Variants in GPR160 observed in about 807,000 individuals in gnomAD.
GPR160 encodes probable G protein-coupled receptor 160.
A neutral mutation model predicts 2.6 loss-of-function variants in GPR160; 2 were observed. That is an observed-to-expected ratio of 0.77 (90% CI 0.32 to 2.44). GPR160 has a LOEUF of 2.44. GPR160 is among the 30% of genes most tolerant of loss of function. GPR160 has a pLI of 0.11. For missense variants in GPR160, 351 were observed against 383.6 expected (o/e 0.91, Z 0.71); for synonymous variants, 130 against 132.2 (o/e 0.98, Z 0.12).
At chr3:170,080,990 G>A (rs1713095589) in intron 3 of GPR160, among the ~76,000 whole-genome samples, 1 of 152,074 alleles carries the variant, frequency 6.6e-6, no homozygotes, top group East Asian at 1.9e-4. Flanking sequence ...CATGAGCCAC[G>A]GCCCCCAGCC....
At chr3:170,072,655 G>A (rs1017579058) in intron 2 of GPR160, among the ~76,000 whole-genome samples, 15 of 152,144 alleles carry the variant, frequency 9.9e-5, no homozygotes, top group South Asian at 2.1e-4. Context: ...GGAGCAATGG[G>A]AAGAGAAGGG....
chr3:170,045,655 G>T (rs1204892315), intron 2 of GPR160, among the ~76,000 whole-genome samples: 2 of 152,046 alleles, frequency 1.3e-5, no homozygotes, highest in African/African-American at 4.8e-5. Context: ...GACATGTTTT[G>T]TGAATGCCAG....
chr3:170,076,092 A>C (rs1712835364), intron 2 of GPR160, among the ~76,000 whole-genome samples: 1 of 152,192 alleles, frequency 6.6e-6, no homozygotes, highest in South Asian at 2.1e-4. Context: ...AAATATATAC[A>C]AATAACTGGT....
Position 170,084,615 on chromosome 3 carries a change from T to A in GPR160, c.643T>A (p.Ser215Thr). The A allele has an allele frequency of 6.2e-7, 1 of 1,612,450 alleles. No homozygotes were observed. The highest frequency in any genetic ancestry group is 8.5e-7 in the Non-Finnish European group (1 of 1,178,544). ...TTTGGTACAGGCTATCAGGATAACT[T>A]CCTATATGAATGAAACTATCTTATA... ...TTLVQAIRIT[S>T]YMNETILYFP... Residue 215 changes from serine (S) to threonine (T), a missense_variant, in exon 4 of 4, where the codon TCC (serine) becomes ACC (threonine). By Grantham distance (58) the Ser-to-Thr change is moderately conservative (BLOSUM62 1). Coordinates refer to ENST00000355897, the MANE Select transcript of GPR160 (RefSeq NM_014373.3).
intron 2 of GPR160, among the ~76,000 whole-genome samples, chr3:170,056,370 T>C (rs974185766): frequency 1.3e-5 from 2 of 152,250 alleles, no homozygotes; most frequent in Non-Finnish European, 1.5e-5. Flanking sequence ...TGTAACCTGA[T>C]TTGTTTTCAA....
At chr3:170,076,963 T>G (rs543898470) in intron 2 of GPR160, among the ~76,000 whole-genome samples, 4 of 152,344 alleles carry the variant, frequency 2.6e-5, no homozygotes, top group Admixed American at 1.3e-4. Flanking sequence ...AGGTTGAACT[T>G]TAGCTCCAAC....
intron 2 of GPR160, among the ~76,000 whole-genome samples, chr3:170,043,551 T>C (rs1275099246): frequency 6.6e-6 from 1 of 152,194 alleles, no homozygotes; most frequent in African/African-American, 2.4e-5. Context: ...AAATGGAAGT[T>C]GTAGCTAGAG....
intron 2 of GPR160, among the ~76,000 whole-genome samples, chr3:170,042,980 C>G (rs1385936473): frequency 1.1e-4 from 16 of 150,394 alleles, no homozygotes; most frequent in Non-Finnish European, 1.5e-5. Flanking sequence ...CTCCCGGATT[C>G]ATGCCATTCT....
rs915851874 is a variant in GPR160, at chr3:170,038,011, A to T, written c.-526A>T. The T allele has an allele frequency of 3.3e-5, 5 of 152,166 alleles. No homozygotes were observed. Among genetic ancestry groups the T allele is most frequent in the Non-Finnish European group, 7.4e-5 (5 of 68,020 alleles). The allele number at this position is 152,166 out of a possible 1,614,324, so 9.4% of individuals were successfully genotyped here. On this transcript the variant is annotated 5_prime_UTR_variant, in exon 1 of 4. Transcript: ENST00000355897. The surrounding 1 kb of genome is among the most constrained non-coding windows in gnomAD (Gnocchi z 5.3). Reference sequence around the variant, plus strand: ...CTGACGCCCGCATTTCCTGGTCTGGAGCCGGCTGAGCCACAGCAGGGTCGC... The same window carrying T: ...CTGACGCCCGCATTTCCTGGTCTGGTGCCGGCTGAGCCACAGCAGGGTCGC...
intron 2 of GPR160, among the ~76,000 whole-genome samples, chr3:170,073,366 A>G (rs978038289): frequency 6.6e-6 from 1 of 152,166 alleles, no homozygotes; most frequent in Non-Finnish European, 1.5e-5. Context: ...GGTGTAAGGT[A>G]AGAGTGAAAG....
rs375810717 is a variant in GPR160 at position 170,073,793 on chromosome 3, G to A, written c.-192-5981G>A. On this transcript the variant is annotated intron_variant, in intron 2 of 3. Coordinates refer to ENST00000355897, the MANE Select transcript of GPR160 (RefSeq NM_014373.3). ...TAAGTTTGGTATTTTTTCCCTAAAT[G>A]CTTGATAGAATCCATCAATGAAGAC... Among the ~76,000 whole-genome samples the A allele has an allele frequency of 7.3e-5, 11 of 151,172 alleles. 1 individual carries two copies. Among genetic ancestry groups the A allele is most frequent in the South Asian group, 6.3e-4 (3 of 4,786 alleles).
intron 2 of GPR160, among the ~76,000 whole-genome samples, chr3:170,076,820 A>G (rs1190811773): frequency 6.6e-6 from 1 of 151,944 alleles, no homozygotes. Flanking sequence ...CTGCGATTAC[A>G]GGCATGAGCC....
intron 2 of GPR160, among the ~76,000 whole-genome samples, chr3:170,042,828 TAAA>T (rs763216364): frequency 3.7e-5 from 4 of 108,000 alleles, no homozygotes; most frequent in Non-Finnish European, 3.7e-5. Flanking sequence ...CTCTCTCTCT[TAAA>T]AAAAAAAAAA....
intron 2 of GPR160, among the ~76,000 whole-genome samples, chr3:170,074,869 CTTAAAGT>C (rs976130986): frequency 1.3e-5 from 2 of 151,392 alleles, no homozygotes; most frequent in African/African-American, 4.9e-5. Flanking sequence ...TGCTTTTTTC[CTTAAAGT>C]TTAAATTTAG....
intron 2 of GPR160, among the ~76,000 whole-genome samples, chr3:170,067,341 T>C (rs912547166): frequency 1.3e-5 from 2 of 152,196 alleles, no homozygotes; most frequent in Non-Finnish European, 2.9e-5. Flanking sequence ...TTCTTTCATA[T>C]GTTTAAGAGC....
At position 170,084,570 on chromosome 3, in the gene GPR160, T is replaced by C. The variant is rs779527847; in HGVS notation, c.598T>C (p.Cys200Arg). 1 of 1,612,600 alleles carries C rather than the reference T, an allele frequency of 6.2e-7. No homozygotes were observed. Among genetic ancestry groups the C allele is most frequent in the Non-Finnish European group, 8.5e-7 (1 of 1,178,614 alleles). ...GATTTTATTTGTAGCTTTCATAACC[T>C]GTTGGGAAGAAGTTACTACTTTGGT... ...VMILFVAFITCWEEVTTLVQA... is the reference protein window; with the variant it reads ...VMILFVAFITRWEEVTTLVQA... Residue 200 changes from cysteine to arginine, a missense_variant, in exon 4 of 4, where the codon TGT (cysteine) becomes CGT (arginine). Physicochemically the swap from Cys to Arg is radical, Grantham distance 180. Transcript: ENST00000355897.
chr3:170,079,514 T>C (rs1374417840), intron 2 of GPR160, among the ~76,000 whole-genome samples: 1 of 152,240 alleles, frequency 6.6e-6, no homozygotes, highest in Non-Finnish European at 1.5e-5. Context: ...ATCCTGTGGC[T>C]GAAAACTATA....
intron 2 of GPR160, among the ~76,000 whole-genome samples, chr3:170,047,778 A>G (rs1716787892): frequency 1.3e-5 from 2 of 152,156 alleles, no homozygotes; most frequent in African/African-American, 4.8e-5. Context: ...GCTCAGCTAT[A>G]AAAAGAACAA....
At position 170,062,701 on chromosome 3, in the gene GPR160, C is replaced by T. The variant is rs553508955; in HGVS notation, c.-192-17073C>T. The T allele has an allele frequency of 1.0e-5, 14 of 1,397,888 alleles. No homozygotes were observed. The South Asian group carries it at 1.6e-4, about 16-fold the overall frequency. The allele number at this position is 1,397,888 out of a possible 1,614,324, so 86.6% of individuals were successfully genotyped here. The stretch of plus-strand genomic sequence containing the variant: ...AGCCCATCAAGGGCAAACAGGCCCC[C>T]GAAAAAAAGCTCAAGGAAAAGTCGC... On this transcript the variant is annotated intron_variant, in intron 2 of 3. Transcript: ENST00000355897.
Sources: allele counts gnomAD v4.1 joint callset (sites outside exome capture counted in the v4.1 genomes callset), GRCh38; gene constraint gnomAD v4.1.1; non-coding constraint Gnocchi (gnomAD v3.1); transcripts MANE v1.5; gene names NCBI Gene and HGNC (gene_info 2026-07-23, HGNC 2026-07-21).